MAP3K5: variants seen among roughly 807,000 people sequenced by gnomAD.
MAP3K5 encodes the protein ASK-1.
In MAP3K5, 56 loss-of-function variants were observed where a neutral mutation model predicts 158.7. That is an observed-to-expected ratio of 0.35 (90% CI 0.28 to 0.44). The LOEUF (loss-of-function observed/expected upper bound fraction) is 0.44, where lower values mean the gene tolerates loss of function less well. Among genes scored for constraint, MAP3K5 ranks in the 20% least tolerant of loss-of-function variants. MAP3K5 has a pLI of 1.00. For missense variants in MAP3K5, 1,294 were observed against 1,674.8 expected (o/e 0.77, Z 3.97); for synonymous variants, 579 against 601.7 (o/e 0.96, Z 0.55).
chr6:136,659,295 C>A lies in MAP3K5; in HGVS notation c.1450G>T (p.Ala484Ser). The change falls in exon 9 of 30, where the codon GCC becomes TCC. Residue 484 changes from alanine to serine, a missense_variant. Ala to Ser is a moderately conservative substitution (Grantham distance 99, BLOSUM62 1). Around this residue, in one of 5 missense-constraint regions of MAP3K5, gnomAD observed 690 missense variants for 870.5 expected, o/e 0.79. Coordinates refer to ENST00000359015, the MANE Select transcript of MAP3K5 (RefSeq NM_005923.4). ...ATGTGGTCATTGGCTAGGACGCTGG[C>A]CCCCAGAAAAAATCCAACTTCCCAG... Reference protein sequence around the residue: ...SYWEVGFFLGASVLANDHMRV... With the variant: ...SYWEVGFFLGSSVLANDHMRV... 6.2e-7 allele frequency: 1 copy of A among 1,614,032 alleles called. No individual in the cohort carries two copies. The highest frequency in any genetic ancestry group is 1.1e-5 in the South Asian group (1 of 91,074).
chr6:136,584,168 A>G (rs1775011465), intron 23 of MAP3K5, among the ~76,000 whole-genome samples: 1 of 152,224 alleles, frequency 6.6e-6, no homozygotes, highest in African/African-American at 2.4e-5. Flanking sequence ...AGATTCTTTC[A>G]GAAATTTTAA....
intron 7 of MAP3K5, among the ~76,000 whole-genome samples, chr6:136,687,530 CA>C (rs1362707537): frequency 6.6e-6 from 1 of 151,462 alleles, no homozygotes; most frequent in African/African-American, 2.4e-5. Context: ...ATCCATTTGA[CA>C]AAGGGCTAAT....
intron 1 of MAP3K5, among the ~76,000 whole-genome samples, chr6:136,743,176 C>CG (rs532541606): frequency 1.8e-3 from 275 of 152,278 alleles, no homozygotes; most frequent in African/African-American, 6.4e-3. Context: ...TACGGCTGGG[C>CG]GCAGTGGCTC....
chr6:136,672,504 G>A (rs1427923219), intron 7 of MAP3K5, among the ~76,000 whole-genome samples: 1 of 152,142 alleles, frequency 6.6e-6, no homozygotes. Flanking sequence ...GGTTTGGCAC[G>A]ACAGAATGAA....
chr6:136,654,755 T>G (rs867163686), intron 10 of MAP3K5, among the ~76,000 whole-genome samples: 1 of 151,972 alleles, frequency 6.6e-6, no homozygotes, highest in African/African-American at 2.4e-5. Context: ...CTCTTCTTAT[T>G]TTATTTTGCT....
chr6:136,750,077 C>T (rs1032870534), intron 1 of MAP3K5, among the ~76,000 whole-genome samples: 1 of 152,070 alleles, frequency 6.6e-6, no homozygotes, highest in African/African-American at 2.4e-5. Flanking sequence ...TTCTGTCCTT[C>T]CAGTTTTGTT....
chr6:136,572,736 G>C (rs1227941378), intron 25 of MAP3K5, among the ~76,000 whole-genome samples: 1 of 152,208 alleles, frequency 6.6e-6, no homozygotes, highest in Non-Finnish European at 1.5e-5. Flanking sequence ...AAACTTGTAA[G>C]TTCATGCAGT....
At chr6:136,599,169 G>A (rs9399189) in intron 21 of MAP3K5, among the ~76,000 whole-genome samples, 1,069 of 11,376 alleles carry the variant, frequency 0.094, 31 homozygotes, top group East Asian at 0.48. Flanking sequence ...AAAAAAAAAA[G>A]GGGGGGGGGG....
intron 1 of MAP3K5, among the ~76,000 whole-genome samples, chr6:136,724,790 T>A (rs1318630264): frequency 1.3e-5 from 2 of 152,224 alleles, no homozygotes; most frequent in Admixed American, 1.3e-4. Context: ...ACTTTTTAAT[T>A]GTCATAGAGC....
chr6:136,637,394 C>T lies in MAP3K5; in HGVS notation c.1947G>A (p.Met649Ile), dbSNP rs1766160409. 6.2e-7 allele frequency: 1 copy of T among 1,603,598 alleles called. No homozygotes were observed. Among genetic ancestry groups the T allele is most frequent in the Admixed American group, 1.7e-5 (1 of 59,980 alleles). ...TELHCKKFFE[M>I]VNTITEEKGR... ...CCTTCTCTTCGGTAATGGTGTTCAC[C>T]ATCTCAAAAAACCTACAATACAAGT... The change falls in exon 14 of 30, where the codon ATG becomes ATA. Residue 649 changes from methionine (M) to isoleucine (I), a missense_variant. Met to Ile is a conservative substitution (Grantham distance 10, BLOSUM62 1). This residue lies in a region of MAP3K5 where 690 missense variants were observed against 870.5 expected (regional missense o/e 0.79). Coordinates refer to ENST00000359015, the MANE Select transcript of MAP3K5 (RefSeq NM_005923.4).
intron 28 of MAP3K5, among the ~76,000 whole-genome samples, chr6:136,560,697 C>T (rs1328072103): frequency 1.3e-5 from 2 of 151,974 alleles, no homozygotes; most frequent in Non-Finnish European, 2.9e-5. Context: ...CCTGTAGCCC[C>T]AGTACTCTGA....
At position 136,583,538 on chromosome 6, in the gene MAP3K5, C is replaced by T. The variant is rs1774981466; in HGVS notation, c.3411+17G>A. ...ATTTTAGTGTGTGGGAAAACACTGG[C>T]AAAATATCATACTTACAGCATCTTG... On this transcript the variant is annotated intron_variant, in intron 24 of 29. Transcript: ENST00000359015. 1 of 1,593,910 alleles carries T rather than the reference C, an allele frequency of 6.3e-7. No homozygotes were observed. The highest frequency in any genetic ancestry group is 1.8e-5 in the Admixed American group (1 of 56,692).
At chr6:136,776,285 C>A (rs574875198) in intron 1 of MAP3K5, among the ~76,000 whole-genome samples, 28 of 151,998 alleles carry the variant, frequency 1.8e-4, no homozygotes, top group African/African-American at 6.8e-4. Flanking sequence ...TTGCTGTCAC[C>A]CAGGCTGGAG....
At chr6:136,642,417 G>T in intron 12 of MAP3K5, 103 bp downstream of exon 12, 1 of 839,796 alleles carries the variant, frequency 1.2e-6, no homozygotes, top group Non-Finnish European at 2.0e-6. Context: ...AATGATTCTT[G>T]ACATTCCTTG....
At chr6:136,728,987 G>A (rs758367309) in intron 1 of MAP3K5, among the ~76,000 whole-genome samples, 12 of 151,920 alleles carry the variant, frequency 7.9e-5, no homozygotes, top group Non-Finnish European at 1.6e-4. Context: ...GGGAGAGGAA[G>A]GAGGAGTGAA....
rs187896763 is a variant in MAP3K5, at chr6:136,789,713, G to A, written c.448+1997C>T. Among the ~76,000 whole-genome samples, 50 of 113,160 alleles carry A rather than the reference G, an allele frequency of 4.4e-4. No homozygotes were observed. The Admixed American group carries it at 5.6e-3, about 13-fold the overall frequency. The allele number at this position is 113,160 out of a possible 152,430, so 74.2% of individuals were successfully genotyped here. On this transcript the variant is annotated intron_variant, in intron 1 of 29. Transcript: ENST00000359015. ...TTTTTTTTTTTTTTTTTAAGACAGA[G>A]TCTCATTCTGTCACCCAGTCTGGAG... is the stretch of plus-strand genomic sequence containing the variant.
At chr6:136,630,751 A>C (rs1777309486) in intron 14 of MAP3K5, among the ~76,000 whole-genome samples, 1 of 152,176 alleles carries the variant, frequency 6.6e-6, no homozygotes, top group Non-Finnish European at 1.5e-5. Context: ...TTTCTTACTA[A>C]GATGATATAT....
In MAP3K5 at chr6:136,643,442, G is replaced by A. The variant is rs147288331; in HGVS notation, c.1789-873C>T. Among the ~76,000 whole-genome samples, 40 of 152,304 alleles carry A rather than the reference G, an allele frequency of 2.6e-4. No individual in the cohort carries two copies. In the East Asian group the frequency reaches 7.5e-3, roughly 29 times the overall value. On this transcript the variant is annotated intron_variant, in intron 11 of 29. Transcript: ENST00000359015. ...TGACACTGACATTCAATTCTGTAAAGTTAAAACAACCATGAAAAGGAGTTC... is the reference window on the plus strand; with the variant it reads ...TGACACTGACATTCAATTCTGTAAAATTAAAACAACCATGAAAAGGAGTTC...
rs186848172 is a variant in MAP3K5 at position 136,700,665 on chromosome 6, G to A, written c.613-1983C>T. On this transcript the variant is annotated intron_variant, in intron 3 of 29. Transcript: ENST00000359015. ...CTTTTAAAGAGGTTGGGATTGAGGT[G>A]GGGCACAACACCTAATGTGAAAATG... 2.0e-5 allele frequency among the ~76,000 whole-genome samples: 3 copies of A among 152,276 alleles called. No homozygotes were observed. The East Asian group carries it at 5.8e-4, about 29-fold the overall frequency.
Sources: gnomAD v4.1 joint callset for allele counts (sites outside exome capture counted in the v4.1 genomes callset) on GRCh38, gnomAD v4.1.1 for gene constraint, gnomAD v4.1.1 regional missense constraint, MANE v1.5 for transcripts, NCBI Gene and HGNC (gene_info 2026-07-23, HGNC 2026-07-21) for gene names.